Variants in FREM1 observed in about 807,000 individuals in gnomAD.
FREM1 encodes the protein FRAS1 related extracellular matrix 1.
A neutral mutation model predicts 210.1 loss-of-function variants in FREM1; 220 were observed. That is an observed-to-expected ratio of 1.05 (90% CI 0.94 to 1.17). The LOEUF (loss-of-function observed/expected upper bound fraction) is 1.17, where lower values mean the gene tolerates loss of function less well. Among genes scored for constraint, FREM1 ranks in the 50% most tolerant of loss-of-function variants. The pLI is 0.00. For missense variants in FREM1, 3,454 were observed against 2,675.5 expected (o/e 1.29, Z -6.42); for synonymous variants, 1,189 against 980.2 (o/e 1.21, Z -3.98).
chr9:14,787,105 G>A (rs1182305337), intron 23 of FREM1, among the ~76,000 whole-genome samples: 1 of 152,176 alleles, frequency 6.6e-6, no homozygotes, highest in Non-Finnish European at 1.5e-5. Context: ...CAGCAGTTGG[G>A]AAGCTTAATG....
In FREM1 at chr9:14,806,804, G is replaced by T. The variant is rs1461417818; in HGVS notation, c.3131C>A (p.Thr1044Asn). 3 of 1,607,896 alleles carry T rather than the reference G, an allele frequency of 1.9e-6. No individual in the cohort carries two copies. The Admixed American group carries it at 5.1e-5, about 27-fold the overall frequency. The change falls in exon 18 of 37, where the codon ACT becomes AAT. Residue 1044 changes from threonine to asparagine, a missense_variant. Transcript: ENST00000380880. ...VVDEGCSTALTVNHLSATDPD... is the reference protein window; with the variant it reads ...VVDEGCSTALNVNHLSATDPD... ...GTCAGTGGCGGACAAATGGTTAACA[G>T]TAAGGGCTGTTGAGCAGCCCTCATC...
intron 3 of FREM1, 53 bp from the exon 4 acceptor site, chr9:14,859,537 A>T: frequency 6.9e-7 from 1 of 1,456,564 alleles, no homozygotes; most frequent in Non-Finnish European, 9.4e-7. Flanking sequence ...GGTATTTCTG[A>T]TACCCATGTA....
intron 8 of FREM1, among the ~76,000 whole-genome samples, chr9:14,844,456 C>T (rs1196562807): frequency 6.6e-6 from 1 of 152,134 alleles, no homozygotes; most frequent in Non-Finnish European, 1.5e-5. Flanking sequence ...AACTCCTGAC[C>T]TCAAGTGATC....
In FREM1 at chr9:14,797,612, G is replaced by C; in HGVS notation, c.3725C>G (p.Ser1242Ter). The part of the protein sequence containing the change: ...GMRLTYMHDD[S>*]ESLADDFTIQ... ...TGTAAAATCATCAGCAAGGCTCTCT[G>C]AGTCATCATGCATGTACGTCAACCT... The change falls in exon 21 of 37, where the codon TCA becomes TGA. Residue 1242 changes from serine (S) to a stop codon, truncating the protein, a stop_gained. Coordinates refer to ENST00000380880, the MANE Select transcript of FREM1 (RefSeq NM_001379081.2). LOFTEE classifies it high-confidence loss of function. The C allele has an allele frequency of 6.2e-7, 1 of 1,611,906 alleles. No homozygotes were observed. Among genetic ancestry groups the C allele is most frequent in the Non-Finnish European group, 8.5e-7 (1 of 1,178,690 alleles).
chr9:14,851,503 G>A lies in FREM1; in HGVS notation c.933C>T (p.Ile311=), dbSNP rs1265571099. ...GAACTGATGTAGTCAAGGAGGTCAGGATGAACTGATCCACTTCCAGAATAA... is the reference window on the plus strand; with the variant it reads ...GAACTGATGTAGTCAAGGAGGTCAGAATGAACTGATCCACTTCCAGAATAA... ...AVFILEVDQF[I]LTSLTTSVLD... Residue 311 remains isoleucine (I), a synonymous_variant, in exon 6 of 37, where the codon ATC becomes ATT. Coordinates refer to ENST00000380880, the MANE Select transcript of FREM1 (RefSeq NM_001379081.2). The A allele has an allele frequency of 7.4e-6, 12 of 1,613,928 alleles. No individual in the cohort carries two copies. The highest frequency in any genetic ancestry group is 9.3e-6 in the Non-Finnish European group (11 of 1,179,814).
intron 1 of FREM1, among the ~76,000 whole-genome samples, chr9:14,905,676 G>C (rs1026488359): frequency 1.8e-4 from 28 of 152,296 alleles, no homozygotes; most frequent in African/African-American, 6.3e-4. Context: ...ATCACCTGAG[G>C]TCAGGAGTTC....
intron 15 of FREM1, among the ~76,000 whole-genome samples, chr9:14,814,006 C>T (rs1341817911): frequency 1.1e-4 from 17 of 152,110 alleles, no homozygotes; most frequent in Admixed American, 1.1e-3. Flanking sequence ...TTTGCCACTC[C>T]ACTCCAGTTT....
Position 14,775,846 on chromosome 9 carries a change from G to A in FREM1, c.4800C>T (p.Asn1600=). The A allele has an allele frequency of 6.2e-7, 1 of 1,613,774 alleles. No individual in the cohort carries two copies. The highest frequency in any genetic ancestry group is 1.6e-4 in the Middle Eastern group (1 of 6,062). The change falls in exon 25 of 37, where the codon AAC becomes AAT. Residue 1600 remains asparagine (N), a synonymous_variant. Transcript: ENST00000380880. ...CTCTCCCATTCACAATAAAGCCTTG[G>A]TTTGTCCCATCTGTGGCCATGAAAG... ...CFTFMATDGT[N]QGFIVNGRVW...
chr9:14,860,359 T>A (rs1422639262), intron 3 of FREM1, among the ~76,000 whole-genome samples: 1 of 151,864 alleles, frequency 6.6e-6, no homozygotes, highest in Non-Finnish European at 1.5e-5. Context: ...ATTTCAAATG[T>A]GCTGAAGACC....
At position 14,748,419 on chromosome 9, in the gene FREM1, G is replaced by A. The variant is rs935506262; in HGVS notation, c.5778C>T (p.Thr1926=). The change falls in exon 31 of 37, where the codon ACC becomes ACT. Residue 1926 remains threonine, a synonymous_variant. Coordinates refer to ENST00000380880, the MANE Select transcript of FREM1 (RefSeq NM_001379081.2). Reference sequence around the variant, plus strand: ...TCCTTACTGTTTTGCCATTCCCACGGGTCCTAAGCTTCCTTTGAGAAAGAT... The same window carrying A: ...TCCTTACTGTTTTGCCATTCCCACGAGTCCTAAGCTTCCTTTGAGAAAGAT... ...STDLSQRKLR[T]RGNGKTVRPS... 2 of 1,610,012 alleles carry A rather than the reference G, an allele frequency of 1.2e-6. No homozygotes were observed. The highest frequency in any genetic ancestry group is 1.7e-6 in the Non-Finnish European group (2 of 1,176,504).
rs1842600056 is a variant in FREM1 at position 14,747,119 on chromosome 9, C to G, written c.6010-68G>C. 1.0e-5 allele frequency: 16 copies of G among 1,603,090 alleles called. 1 individual carries two copies. The South Asian group carries it at 1.4e-4, about 14-fold the overall frequency. On this transcript the variant is annotated intron_variant, in intron 33 of 36. Transcript: ENST00000380880. ...AGGAAAGTTGCTCACACATTCACCT[C>G]CTTTGGGTCTTCATTTGTTGGGAAG...
intron 30 of FREM1, among the ~76,000 whole-genome samples, chr9:14,749,602 A>G (rs1198317632): frequency 2.6e-5 from 4 of 152,244 alleles, no homozygotes; most frequent in Non-Finnish European, 4.4e-5. Context: ...GTTCTTTAGC[A>G]TAGACAATCC....
At chr9:14,766,253 C>G (rs7849488) in intron 27 of FREM1, among the ~76,000 whole-genome samples, 30,973 of 152,104 alleles carry the variant, frequency 0.2, 3,396 homozygotes, top group African/African-American at 0.28. Flanking sequence ...TTAGCTAAAT[C>G]TAAATCTTTA....
intron 24 of FREM1, chr9:14,784,157 T>A: frequency 2.2e-6 from 1 of 463,008 alleles, no homozygotes; most frequent in South Asian, 5.1e-5. Context: ...AAAACACAGC[T>A]GCACCAGAGC....
At chr9:14,858,572 G>A (rs1829231838) in intron 4 of FREM1, among the ~76,000 whole-genome samples, 1 of 148,830 alleles carries the variant, frequency 6.7e-6, no homozygotes, top group Admixed American at 6.8e-5. Context: ...GCCGTTAACT[G>A]TCATTCTGTC....
intron 36 of FREM1, among the ~76,000 whole-genome samples, chr9:14,739,465 T>TATATAATTCATATATATATATTC (rs1841066449): frequency 7.1e-6 from 1 of 140,422 alleles, no homozygotes; most frequent in Non-Finnish European, 1.5e-5. Flanking sequence ...TATATATATA[T>TATATAATTCATATATATATATTC]ATATATATAT....
chr9:14,746,459 C>G lies in FREM1; in HGVS notation c.6148G>C (p.Asp2050His). Residue 2050 changes from aspartate to histidine, a missense_variant, in exon 35 of 37, where the codon GAC (aspartate) becomes CAC (histidine). By Grantham distance (81) the Asp-to-His change is moderately conservative. Transcript: ENST00000380880. ...TGCCACCCGGCTGGACAGGATTTGT[C>G]TTCCACATCCTGAAAAACAGTTGTC... ...AWSPQTKDVE[D>H]KSCPAGWHQH... The G allele has an allele frequency of 6.2e-7, 1 of 1,611,922 alleles. No individual in the cohort carries two copies. Among genetic ancestry groups the G allele is most frequent in the Non-Finnish European group, 8.5e-7 (1 of 1,178,074 alleles).
chr9:14,835,282 G>A (rs1033876799), intron 10 of FREM1, among the ~76,000 whole-genome samples: 3 of 152,274 alleles, frequency 2.0e-5, no homozygotes, highest in Non-Finnish European at 2.9e-5. Context: ...ACAAAATTTG[G>A]AGCATGTTCA....
chr9:14,740,278 C>T lies in FREM1; in HGVS notation c.6255-44G>A, dbSNP rs376313938. The T allele has an allele frequency of 5.7e-5, 77 of 1,353,698 alleles. No individual in the cohort carries two copies. The African/African-American group carries it at 1.0e-3, about 18-fold the overall frequency. 83.9% of individuals were successfully genotyped at this position (1,353,698 alleles called of 1,614,324 possible). A position where few individuals can be genotyped will look rare whatever the true frequency, so the allele number is the denominator to read the frequency against. On this transcript the variant is annotated intron_variant, in intron 35 of 36. Coordinates refer to ENST00000380880, the MANE Select transcript of FREM1 (RefSeq NM_001379081.2). ...GAGAGTATCAGCAACAAGCAGTTAA[C>T]ATTTCTGCTGATACGAAATGCATAA... is the stretch of plus-strand genomic sequence containing the variant.
Sources: allele counts gnomAD v4.1 joint callset (sites outside exome capture counted in the v4.1 genomes callset), GRCh38; gene constraint gnomAD v4.1.1; transcripts MANE v1.5; gene names NCBI Gene and HGNC (gene_info 2026-07-23, HGNC 2026-07-21).